PRR14L: variants seen among roughly 807,000 people sequenced by gnomAD.
PRR14L encodes proline rich 14 like, also known as protein PRR14L.
Under a neutral mutation model 155.0 loss-of-function variants are expected in PRR14L, and 80 were observed. The observed-to-expected ratio is 0.52, with a 90% CI of 0.43 to 0.62. The LOEUF (loss-of-function observed/expected upper bound fraction) is 0.62, where lower values mean the gene tolerates loss of function less well. PRR14L is among the 20% of genes least tolerant of loss of function. PRR14L has a pLI of 0.00. For synonymous variants in PRR14L, 883 were observed against 916.0 expected, an observed-to-expected ratio of 0.96 and a Z score of 0.65; for missense variants, 2,469 against 2,548.0, an observed-to-expected ratio of 0.97 and a Z score of 0.67.
At position 31,683,203 on chromosome 22, in the gene PRR14L, T is replaced by C. The variant is rs368665912; in HGVS notation, c.*2324A>G. The stretch of plus-strand genomic sequence containing the variant: ...GTTCCAAACCGCTGCTTCTGGTCCT[T>C]CGAGTGCCACACCTGTAACAGGCAC... On this transcript the variant is annotated 3_prime_UTR_variant, in exon 9 of 9. Transcript: ENST00000327423. 1 of 152,532 alleles carries C rather than the reference T, an allele frequency of 6.6e-6. No individual in the cohort carries two copies. 9.4% of individuals were successfully genotyped at this position (152,532 alleles called of 1,614,324 possible). A position where few individuals can be genotyped will look rare whatever the true frequency, so the allele number is the denominator to read the frequency against.
Position 31,716,538 on chromosome 22 carries a change from G to A in PRR14L, c.1301C>T (p.Pro434Leu). Residue 434 changes from proline (P) to leucine (L), a missense_variant, in exon 4 of 9, where the codon CCT becomes CTT. Pro to Leu is a moderately conservative substitution (Grantham distance 98). Around this residue, in one of 2 missense-constraint regions of PRR14L, gnomAD observed 2,363 missense variants for 2,371.6 expected, o/e 1.00. Transcript: ENST00000327423. ...ISGRCSGEKE[P>L]VVSPKENIHN... ...GATATTTTCCTTTGGAGAAACAACA[G>A]GCTCTTTTTCACCAGAACAACGACC... is the stretch of plus-strand genomic sequence containing the variant. The A allele has an allele frequency of 6.5e-7, 1 of 1,546,312 alleles. No individual in the cohort carries two copies. Among genetic ancestry groups the A allele is most frequent in the Non-Finnish European group, 8.7e-7 (1 of 1,145,690 alleles).
intron 3 of PRR14L, among the ~76,000 whole-genome samples, chr22:31,720,596 A>C (rs1307254728): frequency 6.6e-6 from 1 of 152,158 alleles, no homozygotes; most frequent in African/African-American, 2.4e-5. Flanking sequence ...TCAGCCGTGC[A>C]CGGTGGCAGG....
At chr22:31,687,409 A>G (rs2074487705) in intron 8 of PRR14L, among the ~76,000 whole-genome samples, 1 of 148,252 alleles carries the variant, frequency 6.7e-6, no homozygotes, top group Non-Finnish European at 1.5e-5. Flanking sequence ...GCTGGAGTGC[A>G]GTGGTGTGAT....
chr22:31,719,952 C>A (rs2074681359), intron 3 of PRR14L, among the ~76,000 whole-genome samples: 1 of 152,008 alleles, frequency 6.6e-6, no homozygotes, highest in African/African-American at 2.4e-5. Context: ...CCCAGGCTGA[C>A]CTTGAACACC....
intron 2 of PRR14L, among the ~76,000 whole-genome samples, chr22:31,737,123 G>C (rs2074786180): frequency 1.3e-5 from 2 of 150,182 alleles, no homozygotes; most frequent in African/African-American, 4.9e-5. Context: ...AAAATTTGCT[G>C]ACCCCTGGGT....
rs1443114336 is a variant in PRR14L at position 31,684,720 on chromosome 22, T to C, written c.*807A>G. The C allele has an allele frequency of 6.6e-6, 1 of 152,204 alleles. No homozygotes were observed. Among genetic ancestry groups the C allele is most frequent in the Non-Finnish European group, 1.5e-5 (1 of 68,032 alleles). The allele number at this position is 152,204 out of a possible 1,614,324, so 9.4% of individuals were successfully genotyped here. On this transcript the variant is annotated 3_prime_UTR_variant, in exon 9 of 9. Transcript: ENST00000327423. ...GATCAACTGGGTCAAATGCCTATCA[T>C]GTATTCTTAAGACATGTATTGTTTT... is the stretch of plus-strand genomic sequence containing the variant.
In PRR14L at chr22:31,716,500, T is replaced by C. The variant is rs2074660813; in HGVS notation, c.1339A>G (p.Ile447Val). Residue 447 changes from isoleucine to valine, a missense_variant, in exon 4 of 9, where the codon ATT becomes GTT. Ile to Val is a conservative substitution (Grantham distance 29, BLOSUM62 3). Coordinates refer to ENST00000327423, the MANE Select transcript of PRR14L (RefSeq NM_173566.3). ...SPKENIHNNC[I>V]QDSLHTGNSS... ...TTCCCTGTATGGAGACTGTCTTGAA[T>C]GCAGTTATTGTGGATATTTTCCTTT... 1 of 1,547,776 alleles carries C rather than the reference T, an allele frequency of 6.5e-7. No homozygotes were observed. The highest frequency in any genetic ancestry group is 8.7e-7 in the Non-Finnish European group (1 of 1,146,030).
At position 31,717,097 on chromosome 22, in the gene PRR14L, T is replaced by G. The variant is rs987457936; in HGVS notation, c.742A>C (p.Thr248Pro). 6.4e-7 allele frequency: 1 copy of G among 1,552,084 alleles called. No individual in the cohort carries two copies. Among genetic ancestry groups the G allele is most frequent in the African/African-American group, 1.4e-5 (1 of 73,068 alleles). The change falls in exon 4 of 9, where the codon ACA becomes CCA. Residue 248 changes from threonine (T) to proline (P), a missense_variant. Physicochemically the swap from Thr to Pro is conservative, Grantham distance 38 (BLOSUM62 -1). Transcript: ENST00000327423. ...GTTAAAGGTTCTGGGGTAACTAATG[T>G]GCTGGTTTCTGAAACCTCATCACTG... The part of the protein sequence containing the change: ...MTSDEVSETS[T>P]LVTPEPLTFV...
At chr22:31,704,534 G>T in intron 5 of PRR14L, 121 bp downstream of exon 5, 1 of 639,424 alleles carries the variant, frequency 1.6e-6, no homozygotes, top group South Asian at 2.1e-5. Flanking sequence ...CATAGATCAG[G>T]TTTACAAGGA....
chr22:31,715,836 G>A lies in PRR14L; in HGVS notation c.2003C>T (p.Thr668Ile). 1 of 1,551,612 alleles carries A rather than the reference G, an allele frequency of 6.4e-7. No homozygotes were observed. The highest frequency in any genetic ancestry group is 1.2e-5 in the South Asian group (1 of 84,030). ...TTTGTTTAAATGCAGTAGAGAGTCAGTTGGCAAATTTGCATGTTCTTGAGA... is the reference window on the plus strand; with the variant it reads ...TTTGTTTAAATGCAGTAGAGAGTCAATTGGCAAATTTGCATGTTCTTGAGA... ...LNSQEHANLP[T>I]DSLLHLNKEM... Residue 668 changes from threonine (T) to isoleucine (I), a missense_variant, in exon 4 of 9, where the codon ACT becomes ATT. Physicochemically the swap from Thr to Ile is moderately conservative, Grantham distance 89 (BLOSUM62 -1). Around this residue, in one of 2 missense-constraint regions of PRR14L, gnomAD observed 2,363 missense variants for 2,371.6 expected, o/e 1.00. Transcript: ENST00000327423.
At chr22:31,725,766 T>C (rs1191003658) in intron 2 of PRR14L, among the ~76,000 whole-genome samples, 156 bp from the exon 3 acceptor site, 2 of 152,160 alleles carry the variant, frequency 1.3e-5, no homozygotes, top group Admixed American at 1.3e-4. Context: ...CCTCCAAGGT[T>C]CAAGGTATTC....
At chr22:31,701,530 C>T (rs1394245889) in intron 7 of PRR14L, 126 bp downstream of exon 7, 26 of 581,006 alleles carry the variant, frequency 4.5e-5, no homozygotes, top group Non-Finnish European at 7.7e-5. Context: ...CTAATTAATT[C>T]TTTAGGATAA....
chr22:31,744,227 G>A lies in PRR14L; in HGVS notation c.-51-5316C>T, dbSNP rs957318933. Among the ~76,000 whole-genome samples the A allele has an allele frequency of 5.3e-5, 8 of 151,486 alleles. No homozygotes were observed. The East Asian group carries it at 1.2e-3, about 22-fold the overall frequency. The stretch of plus-strand genomic sequence containing the variant: ...AGCTCACCACAATCTCCACCTCCCA[G>A]GTTCAAGAGATTCTCCCGCCCCAGC... On this transcript the variant is annotated intron_variant, in intron 1 of 8. Coordinates refer to ENST00000327423, the MANE Select transcript of PRR14L (RefSeq NM_173566.3).
intron 6 of PRR14L, among the ~76,000 whole-genome samples, chr22:31,702,215 C>CTGT (rs34197793): frequency 0.29 from 44,004 of 149,388 alleles, 7,272 homozygotes; most frequent in African/African-American, 0.49. Flanking sequence ...TCTATTCCTG[C>CTGT]TTTTTTTATT....
intron 7 of PRR14L, among the ~76,000 whole-genome samples, chr22:31,694,349 C>T (rs112034984): frequency 9.9e-4 from 151 of 152,120 alleles, no homozygotes; most frequent in Non-Finnish European, 1.4e-3. Flanking sequence ...GGATTACAGG[C>T]GTGAGCTACC....
chr22:31,714,522 G>T lies in PRR14L; in HGVS notation c.3317C>A (p.Thr1106Lys). Residue 1106 changes from threonine to lysine, a missense_variant, in exon 4 of 9, where the codon ACA (threonine) becomes AAA (lysine). Around this residue, in one of 2 missense-constraint regions of PRR14L, gnomAD observed 2,363 missense variants for 2,371.6 expected, o/e 1.00. Transcript: ENST00000327423. ...LSRRELDAAH[T>K]GTTGQDSDFP... is the part of the protein sequence containing the mutation. ...ATCTGAATCCTGACCAGTTGTTCCT[G>T]TATGTGCAGCATCCAGTTCTCTCCG... The T allele has an allele frequency of 1.9e-6, 3 of 1,552,142 alleles. No homozygotes were observed. In the South Asian group the frequency reaches 3.6e-5, roughly 18 times the overall value.
intron 8 of PRR14L, among the ~76,000 whole-genome samples, chr22:31,687,064 T>C (rs2074485694): frequency 1.3e-5 from 2 of 152,182 alleles, no homozygotes; most frequent in Non-Finnish European, 2.9e-5. Context: ...TGAGATGGAG[T>C]TTCGCTCTTG....
chr22:31,749,167 T>C (rs2074857620), intron 1 of PRR14L, among the ~76,000 whole-genome samples: 1 of 152,070 alleles, frequency 6.6e-6, no homozygotes, highest in African/African-American at 2.4e-5. Flanking sequence ...AGAACCCAAA[T>C]TGGAGATGGA....
chr22:31,734,506 G>C (rs2074768012), intron 2 of PRR14L, among the ~76,000 whole-genome samples: 1 of 152,166 alleles, frequency 6.6e-6, no homozygotes, highest in African/African-American at 2.4e-5. Flanking sequence ...TGGTATGTCT[G>C]CTTTTCTGAA....
Sources: gnomAD v4.1 joint callset for allele counts (sites outside exome capture counted in the v4.1 genomes callset) on GRCh38, gnomAD v4.1.1 for gene constraint, gnomAD v4.1.1 regional missense constraint, MANE v1.5 for transcripts, NCBI Gene and HGNC (gene_info 2026-07-23, HGNC 2026-07-21) for gene names.